The following NAV3 variants were observed in gnomAD, a reference collection of about 807,000 sequenced individuals.
The protein encoded by NAV3 is neuron navigator 3.
NAV3 carries 87 observed loss-of-function variants against 244.7 expected under a neutral mutation model. The ratio of observed to expected loss-of-function variants is 0.36; its 90% CI spans 0.30 to 0.42. NAV3 has a LOEUF of 0.42. NAV3 is among the 20% of genes least tolerant of loss of function. NAV3 has a pLI of 1.00. For missense variants in NAV3, 2,663 were observed against 2,893.3 expected (o/e 0.92, Z 1.83); for synonymous variants, 1,126 against 1,042.2 (o/e 1.08, Z -1.55).
chr12:78,077,967 T>G (rs1240117143), intron 12 of NAV3, among the ~76,000 whole-genome samples: 1 of 152,104 alleles, frequency 6.6e-6, no homozygotes, highest in Non-Finnish European at 1.5e-5. Flanking sequence ...ACATATTGTC[T>G]CACCCTTCTG....
intron 5 of NAV3, among the ~76,000 whole-genome samples, chr12:77,975,780 C>T (rs1868328224): frequency 6.6e-6 from 1 of 150,686 alleles, no homozygotes; most frequent in South Asian, 2.1e-4. Context: ...AAGACTTTGA[C>T]TTTTATTCCT....
At chr12:77,855,957 A>G (rs760462682) in intron 1 of NAV3, among the ~76,000 whole-genome samples, 2 of 152,236 alleles carry the variant, frequency 1.3e-5, no homozygotes, top group Non-Finnish European at 2.9e-5. Flanking sequence ...TTTATATAGC[A>G]AGTGCTAACT....
In NAV3 at chr12:77,831,077, TGTA is replaced by T. The variant is rs1873565638; in HGVS notation, c.-383_-381del. 1 of 155,976 alleles carries T rather than the reference TGTA, an allele frequency of 6.4e-6. No individual in the cohort carries two copies. The highest frequency in any genetic ancestry group is 2.4e-5 in the African/African-American group (1 of 41,498). The allele number at this position is 155,976 out of a possible 1,614,324, so 9.7% of individuals were successfully genotyped here. A position where few individuals can be genotyped will look rare whatever the true frequency, so the allele number is the denominator to read the frequency against. ...GCTCTTTAATCCTAAGAAGGAGCTTTGTAGCAGTTACCTTGAAGAAGAGTTTAC... is the reference window on the plus strand; with the variant it reads ...GCTCTTTAATCCTAAGAAGGAGCTTTGCAGTTACCTTGAAGAAGAGTTTAC... On this transcript the variant is annotated 5_prime_UTR_variant, in exon 1 of 40. Transcript: ENST00000397909.
intron 2 of NAV3, among the ~76,000 whole-genome samples, chr12:77,613,490 C>T (rs556840671): frequency 1.3e-5 from 2 of 152,234 alleles, no homozygotes; most frequent in South Asian, 4.1e-4. Context: ...TTCAAAGACT[C>T]AGGGTGTCCT....
chr12:77,595,739 A>G (rs184644402), intron 2 of NAV3, among the ~76,000 whole-genome samples: 76 of 152,314 alleles, frequency 5.0e-4, no homozygotes, highest in Non-Finnish European at 1.0e-3. Context: ...TTAAATGACT[A>G]TTGAGCAAAT....
intron 2 of NAV3, among the ~76,000 whole-genome samples, chr12:77,602,514 T>C (rs1315927484): frequency 6.6e-6 from 1 of 151,966 alleles, no homozygotes; most frequent in African/African-American, 2.4e-5. Flanking sequence ...TTTGAAGCTA[T>C]GTCCAATGAA....
At chr12:77,574,511 T>TAA (rs1868987929) in intron 2 of NAV3, among the ~76,000 whole-genome samples, 1 of 152,106 alleles carries the variant, frequency 6.6e-6, no homozygotes, top group Non-Finnish European at 1.5e-5. Flanking sequence ...ACTTCAAGTG[T>TAA]TTATAGTCCT....
intron 12 of NAV3, among the ~76,000 whole-genome samples, chr12:78,066,071 G>T (rs548908991): frequency 1.7e-4 from 26 of 152,178 alleles, no homozygotes; most frequent in Admixed American, 3.9e-4. Flanking sequence ...TCTCATGAAT[G>T]CTATTAGTGT....
At position 77,691,352 on chromosome 12, in the gene NAV3, TATAC is replaced by T. The variant is rs1262064859; in HGVS notation, c.72+119090_72+119093del. On this transcript the variant is annotated intron_variant, in intron 2 of 8. Coordinates refer to the NAV3 transcript ENST00000550042. ...GTGTATGTGTGTATATATATATATA[TATAC>T]ATATCCATTCTTGTACTTTTTCTGC... Among the ~76,000 whole-genome samples the T allele has an allele frequency of 1.3e-3, 173 of 137,504 alleles. 18 individuals are homozygous for T. In the East Asian group the frequency reaches 0.031, roughly 25 times the overall value. 90.2% of individuals were successfully genotyped at this position (137,504 alleles called of 152,430 possible).
upstream of NAV3, among the ~76,000 whole-genome samples, chr12:77,829,413 A>G (rs377052059): frequency 3.9e-5 from 6 of 152,304 alleles, no homozygotes; most frequent in African/African-American, 1.4e-4. Context: ...TGAACTTCCT[A>G]GAATCAATTT....
intron 5 of NAV3, among the ~76,000 whole-genome samples, chr12:77,974,066 T>C (rs1162442771): frequency 2.0e-5 from 3 of 152,040 alleles, no homozygotes; most frequent in African/African-American, 7.2e-5. Context: ...GCACACACTT[T>C]TGTTACGTTC....
At chr12:77,807,159 C>T (rs1209896432) in intron 2 of NAV3, among the ~76,000 whole-genome samples, 1 of 152,150 alleles carries the variant, frequency 6.6e-6, no homozygotes, top group Non-Finnish European at 1.5e-5. Context: ...TTAATTGGTG[C>T]ATTTAACCCA....
chr12:77,776,487 C>T (rs1369244447), intron 2 of NAV3, among the ~76,000 whole-genome samples: 4 of 152,126 alleles, frequency 2.6e-5, no homozygotes, highest in African/African-American at 7.2e-5. Flanking sequence ...TCAAGTTATT[C>T]AATTTTAGGT....
chr12:77,755,226 T>C (rs1365812955), intron 2 of NAV3, among the ~76,000 whole-genome samples: 1 of 152,174 alleles, frequency 6.6e-6, no homozygotes, highest in African/African-American at 2.4e-5. Context: ...CTGAAATTTA[T>C]ACAGATCACA....
intron 1 of NAV3, among the ~76,000 whole-genome samples, chr12:77,908,134 GTAAGTAGCAATCACAAATTA>G (rs1379704921): frequency 1.3e-5 from 2 of 152,004 alleles, no homozygotes; most frequent in Non-Finnish European, 2.9e-5. Flanking sequence ...GCTGTTGTAT[GTAAGTAGCAATCACAAATTA>G]TACGTTTATT....
At chr12:78,085,586 C>A (rs995188584) in intron 12 of NAV3, among the ~76,000 whole-genome samples, 11 of 151,906 alleles carry the variant, frequency 7.2e-5, no homozygotes, top group African/African-American at 2.7e-4. Flanking sequence ...AAATGATGAG[C>A]AGAAATAGAA....
chr12:77,876,724 A>G (rs900443501), intron 1 of NAV3, among the ~76,000 whole-genome samples: 9 of 152,190 alleles, frequency 5.9e-5, no homozygotes, highest in African/African-American at 2.2e-4. Context: ...CCACTTTTTG[A>G]GTCTTTCAGT....
chr12:77,594,172 C>A (rs952541626), intron 2 of NAV3, among the ~76,000 whole-genome samples: 1 of 152,084 alleles, frequency 6.6e-6, no homozygotes, highest in Non-Finnish European at 1.5e-5. Flanking sequence ...CACATATTTA[C>A]AATTGTAGGC....
At chr12:77,583,688 G>A (rs1454078627) in intron 2 of NAV3, among the ~76,000 whole-genome samples, 1 of 152,138 alleles carries the variant, frequency 6.6e-6, no homozygotes, top group Non-Finnish European at 1.5e-5. Context: ...GATACTAAGA[G>A]TATATGTGGA....
Sources: allele counts gnomAD v4.1 joint callset (sites outside exome capture counted in the v4.1 genomes callset), GRCh38; gene constraint gnomAD v4.1.1; transcripts MANE v1.5; gene names NCBI Gene and HGNC (gene_info 2026-07-23, HGNC 2026-07-21).